Variants in DAB1 observed in about 807,000 individuals in gnomAD.
DAB1 encodes the protein DAB adaptor protein 1, also known as disabled homolog 1.
In DAB1, 15 loss-of-function variants were observed where a neutral mutation model predicts 64.6. That is an observed-to-expected ratio of 0.23 (90% CI 0.16 to 0.36). The LOEUF is 0.36. Ranked by LOEUF, DAB1 falls within the 10% of genes least tolerant of loss-of-function variation. The pLI is 1.00. For missense variants in DAB1, 596 were observed against 706.7 expected, an observed-to-expected ratio of 0.84 and a Z score of 1.78; for synonymous variants, 235 against 251.9, an observed-to-expected ratio of 0.93 and a Z score of 0.64.
chr1:57,719,732 A>T (rs1278103538), intron 6 of DAB1, among the ~76,000 whole-genome samples: 1 of 152,242 alleles, frequency 6.6e-6, no homozygotes, highest in Non-Finnish European at 1.5e-5. Context: ...CTGTGAGTCA[A>T]TTAAACTTCC....
intron 2 of DAB1, among the ~76,000 whole-genome samples, chr1:57,192,330 A>G (rs1569837682): frequency 0.012 from 1 of 86 alleles, no homozygotes. Context: ...CAAAAGCGGA[A>G]AAAAAAAAAA....
chr1:58,500,918 A>G (rs576077613), intron 3 of DAB1, among the ~76,000 whole-genome samples: 2 of 152,332 alleles, frequency 1.3e-5, no homozygotes, highest in African/African-American at 4.8e-5. Flanking sequence ...AAAGTTAAAT[A>G]AGGTGTCTCT....
At chr1:57,489,673 G>A (rs908258655) in intron 7 of DAB1, among the ~76,000 whole-genome samples, 3 of 146,092 alleles carry the variant, frequency 2.1e-5, no homozygotes, top group African/African-American at 8.4e-5. Context: ...GAAGCCCCAG[G>A]AACCTTTGCT....
chr1:57,582,965 C>G (rs989328801), intron 7 of DAB1, among the ~76,000 whole-genome samples: 1 of 152,196 alleles, frequency 6.6e-6, no homozygotes, highest in African/African-American at 2.4e-5. Context: ...ATGAAAATCC[C>G]TTTTCTTCCC....
chr1:57,195,375 C>T (rs1664542077), intron 2 of DAB1, among the ~76,000 whole-genome samples: 1 of 152,196 alleles, frequency 6.6e-6, no homozygotes, highest in Non-Finnish European at 1.5e-5. Flanking sequence ...AACCAAATTA[C>T]TTTAACAATA....
At chr1:58,015,166 G>A (rs1486041003) in intron 5 of DAB1, among the ~76,000 whole-genome samples, 1 of 152,214 alleles carries the variant, frequency 6.6e-6, no homozygotes, top group Non-Finnish European at 1.5e-5. Flanking sequence ...GATGGAGGCA[G>A]TGTCTTTGCC....
At chr1:58,065,869 C>A (rs139935738) in intron 5 of DAB1, among the ~76,000 whole-genome samples, 1 of 152,296 alleles carries the variant, frequency 6.6e-6, no homozygotes, top group African/African-American at 2.4e-5. Context: ...CTGATAACCT[C>A]CACATCAACA....
downstream of DAB1, among the ~76,000 whole-genome samples, chr1:57,825,424 C>T (rs1240700512): frequency 6.6e-6 from 1 of 152,204 alleles, no homozygotes; most frequent in Non-Finnish European, 1.5e-5. Context: ...GAGGAAGGCA[C>T]ACAGGGCTAT....
At chr1:58,172,964 G>C (rs1656260396) in intron 4 of DAB1, among the ~76,000 whole-genome samples, 2 of 152,218 alleles carry the variant, frequency 1.3e-5, no homozygotes, top group African/African-American at 4.8e-5. Context: ...GGAAATTATG[G>C]AGTTATTGCA....
At chr1:57,404,507 A>AC (rs745427368) in intron 1 of DAB1, among the ~76,000 whole-genome samples, 64 of 152,278 alleles carry the variant, frequency 4.2e-4, no homozygotes, top group Non-Finnish European at 5.4e-4. Flanking sequence ...CTGACCTCAA[A>AC]CCCTAGCCTC....
At chr1:57,946,440 T>C (rs1389033988) in intron 5 of DAB1, among the ~76,000 whole-genome samples, 1 of 152,218 alleles carries the variant, frequency 6.6e-6, no homozygotes, top group Non-Finnish European at 1.5e-5. Context: ...TGTGCTGCCA[T>C]TTATATTTTA....
intron 3 of DAB1, among the ~76,000 whole-genome samples, chr1:58,424,498 C>T (rs948692927): frequency 5.3e-5 from 8 of 152,204 alleles, no homozygotes; most frequent in African/African-American, 1.9e-4. Context: ...TAGATGGCTC[C>T]CACATAGTGC....
rs564455044 is a variant in DAB1, at chr1:58,085,675, T to C, written n.387+64836A>G. ...GAGCCACTGTTCCCAACTACCTTATTTTTTAAATACAATCAGTCTCTTTTA... is the reference window on the plus strand; with the variant it reads ...GAGCCACTGTTCCCAACTACCTTATCTTTTAAATACAATCAGTCTCTTTTA... On this transcript the variant is annotated intron_variant and non_coding_transcript_variant, in intron 5 of 20. Coordinates refer to the DAB1 transcript ENST00000485760. Among the ~76,000 whole-genome samples, 38 of 152,220 alleles carry C rather than the reference T, an allele frequency of 2.5e-4. 1 individual carries two copies. Among genetic ancestry groups the C allele is most frequent in the African/African-American group, 9.2e-4 (38 of 41,530 alleles).
intron 6 of DAB1, among the ~76,000 whole-genome samples, chr1:57,707,532 T>C (rs1446639676): frequency 2.0e-5 from 3 of 152,190 alleles, no homozygotes; most frequent in Non-Finnish European, 2.9e-5. Flanking sequence ...TCTCTGGGGA[T>C]GAATGCCCAG....
At chr1:57,614,971 C>T (rs776169620) in intron 7 of DAB1, among the ~76,000 whole-genome samples, 2 of 149,598 alleles carry the variant, frequency 1.3e-5, no homozygotes, top group Non-Finnish European at 3.0e-5. Flanking sequence ...CCCGGGTTCA[C>T]GCCATTCTCC....
chr1:58,133,499 T>C (rs1019582631), intron 5 of DAB1, among the ~76,000 whole-genome samples: 2 of 152,186 alleles, frequency 1.3e-5, no homozygotes, highest in South Asian at 2.1e-4. Context: ...CCCATCTTCA[T>C]CTCTAAGCTC....
intron 7 of DAB1, among the ~76,000 whole-genome samples, chr1:57,560,195 C>T (rs937912443): frequency 6.6e-6 from 1 of 152,258 alleles, no homozygotes; most frequent in Non-Finnish European, 1.5e-5. Flanking sequence ...CCTCTACTGT[C>T]CAACCTCAGT....
intron 5 of DAB1, among the ~76,000 whole-genome samples, chr1:57,921,235 GAATAT>G (rs1375551610): frequency 6.6e-6 from 1 of 152,170 alleles, no homozygotes; most frequent in Admixed American, 6.5e-5. Flanking sequence ...TTAAAAAAGT[GAATAT>G]AATATGTAAA....
chr1:58,133,319 T>C (rs946573330), intron 5 of DAB1, among the ~76,000 whole-genome samples: 4 of 152,232 alleles, frequency 2.6e-5, no homozygotes, highest in Non-Finnish European at 4.4e-5. Flanking sequence ...GGCTAACTCC[T>C]GTTCAACCCT....
Sources: gnomAD v4.1 joint callset for allele counts (sites outside exome capture counted in the v4.1 genomes callset) on GRCh38, gnomAD v4.1.1 for gene constraint, MANE v1.5 for transcripts, NCBI Gene and HGNC (gene_info 2026-07-23, HGNC 2026-07-21) for gene names.